The following MPP7 variants were observed in gnomAD, a reference collection of about 807,000 sequenced individuals.
The protein encoded by MPP7 is MAGUK p55 scaffold protein 7, also known as MAGUK p55 subfamily member 7.
MPP7 carries 60 observed loss-of-function variants against 76.5 expected under a neutral mutation model. The observed-to-expected ratio is 0.78, with a 90% CI of 0.64 to 0.97. The LOEUF is 0.97. Ranked by LOEUF, MPP7 falls within the 50% of genes least tolerant of loss-of-function variation. MPP7 has a pLI of 0.00. For missense variants in MPP7, 641 were observed against 694.0 expected (o/e 0.92, Z 0.86); for synonymous variants, 237 against 244.5 (o/e 0.97, Z 0.29).
chr10:28,326,510 A>G (rs140199542), intron 2 of MPP7, among the ~76,000 whole-genome samples: 9 of 152,306 alleles, frequency 5.9e-5, no homozygotes, highest in African/African-American at 2.2e-4. Context: ...TCCGGGCTCA[A>G]TTTTAAAAAG....
chr10:28,294,407 C>A (rs1840994481), intron 1 of MPP7, among the ~76,000 whole-genome samples: 1 of 152,148 alleles, frequency 6.6e-6, no homozygotes, highest in Admixed American at 6.5e-5. Flanking sequence ...CATTCAGCTC[C>A]CAGAAGCAAC....
chr10:28,150,388 T>C (rs1835845380), intron 3 of MPP7, among the ~76,000 whole-genome samples: 1 of 152,192 alleles, frequency 6.6e-6, no homozygotes, highest in Non-Finnish European at 1.5e-5. Flanking sequence ...ATGTCTATTA[T>C]ATCTAAAATC....
chr10:28,058,866 A>G (rs1434926322), intron 14 of MPP7, among the ~76,000 whole-genome samples: 1 of 152,188 alleles, frequency 6.6e-6, no homozygotes, highest in Non-Finnish European at 1.5e-5. Flanking sequence ...AATGTTTTCC[A>G]TCACCCCCTT....
intron 1 of MPP7, among the ~76,000 whole-genome samples, chr10:28,277,878 T>C (rs75727243): frequency 0.014 from 2,147 of 152,086 alleles, 69 homozygotes; most frequent in African/African-American, 0.049. Context: ...TTCCAAATCT[T>C]AGATACAAAA....
At position 28,053,484 on chromosome 10, in the gene MPP7, A is replaced by T. The variant is rs1851432088; in HGVS notation, c.*581T>A. ...TATGAAGGCCATTCACTCAAGGTAAAATTTCAGTTACTCCTTTAAGAATTA... is the reference window on the plus strand; with the variant it reads ...TATGAAGGCCATTCACTCAAGGTAATATTTCAGTTACTCCTTTAAGAATTA... On this transcript the variant is annotated 3_prime_UTR_variant, in exon 17 of 17. Coordinates refer to ENST00000683449, the MANE Select transcript of MPP7 (RefSeq NM_001318170.2). The T allele has an allele frequency of 1.3e-5, 2 of 152,212 alleles. No individual in the cohort carries two copies. The highest frequency in any genetic ancestry group is 4.8e-5 in the African/African-American group (2 of 41,448). 9.4% of individuals were successfully genotyped at this position (152,212 alleles called of 1,614,324 possible).
At chr10:28,124,924 G>A (rs1834967646) in intron 7 of MPP7, 86 bp downstream of exon 7, 10 of 1,085,582 alleles carry the variant, frequency 9.2e-6, no homozygotes, top group Admixed American at 1.7e-5. Context: ...TAGATCCAAA[G>A]ATGGTTATCC....
chr10:28,327,858 GA>G (rs34841307), intron 2 of MPP7, among the ~76,000 whole-genome samples: 39,132 of 152,044 alleles, frequency 0.26, 6,871 homozygotes, highest in African/African-American at 0.5. Context: ...CCATGGACCA[GA>G]AAGAGCTCGG....
chr10:28,125,617 T>TA (rs11415273), intron 6 of MPP7, among the ~76,000 whole-genome samples: 12,464 of 151,626 alleles, frequency 0.082, 714 homozygotes, highest in African/African-American at 0.16. Flanking sequence ...ATTTAAAAAT[T>TA]AAAAAAAACT....
At chr10:28,099,726 G>C (rs553325651) in intron 11 of MPP7, among the ~76,000 whole-genome samples, 1 of 152,172 alleles carries the variant, frequency 6.6e-6, no homozygotes, top group South Asian at 2.1e-4. Flanking sequence ...AGAATCACTT[G>C]AACCCAGGAG....
chr10:28,144,525 G>T (rs1311024735), intron 5 of MPP7, among the ~76,000 whole-genome samples: 3 of 152,108 alleles, frequency 2.0e-5, no homozygotes, highest in Non-Finnish European at 2.9e-5. Flanking sequence ...CTGTTCGCCC[G>T]TTCTGAGGCT....
intron 1 of MPP7, among the ~76,000 whole-genome samples, chr10:28,252,145 T>C (rs1839635184): frequency 6.6e-6 from 1 of 152,216 alleles, no homozygotes; most frequent in African/African-American, 2.4e-5. Context: ...ATCAAATGCT[T>C]ATCAAACTCC....
chr10:28,106,470 G>C (rs904750018), intron 11 of MPP7, among the ~76,000 whole-genome samples: 4 of 152,136 alleles, frequency 2.6e-5, no homozygotes, highest in African/African-American at 7.2e-5. Flanking sequence ...TTATATTGGG[G>C]GCTGTTTAGC....
chr10:28,057,841 C>G (rs1310204082), intron 15 of MPP7: 4 of 1,259,748 alleles, frequency 3.2e-6, no homozygotes, highest in Non-Finnish European at 4.1e-6. Context: ...GAAGGAGAAA[C>G]CATGGTCCCT....
At chr10:28,058,104 A>G (rs1181297219) in intron 15 of MPP7, among the ~76,000 whole-genome samples, 2 of 152,206 alleles carry the variant, frequency 1.3e-5, no homozygotes, top group Non-Finnish European at 2.9e-5. Flanking sequence ...TTGGAACCAA[A>G]ATGTCCATCG....
At chr10:28,059,888 G>T in intron 13 of MPP7, 145 bp from the exon 14 acceptor site, 2 of 625,588 alleles carry the variant, frequency 3.2e-6, no homozygotes, top group Non-Finnish European at 5.6e-6. Context: ...ATAAAATACA[G>T]TAAGCTGTTA....
At chr10:28,128,691 A>G (rs1835095989) in intron 6 of MPP7, among the ~76,000 whole-genome samples, 1 of 152,228 alleles carries the variant, frequency 6.6e-6, no homozygotes, top group Non-Finnish European at 1.5e-5. Flanking sequence ...AGGGTGGAAC[A>G]GATTTGGGGA....
At chr10:28,088,020 A>C (rs1053032206) in intron 12 of MPP7, among the ~76,000 whole-genome samples, 5 of 152,186 alleles carry the variant, frequency 3.3e-5, no homozygotes, top group Non-Finnish European at 7.3e-5. Flanking sequence ...GAAGTATGTG[A>C]ATATGTGTTT....
intron 2 of MPP7, among the ~76,000 whole-genome samples, chr10:28,316,435 TAAAAAAAAAAAAAA>T (rs549621404): frequency 0.013 from 484 of 37,150 alleles, 8 homozygotes; most frequent in African/African-American, 0.038. Context: ...ACTCTGTCTT[TAAAAAAAAAAAAAA>T]AAAAAAAAAA....
chr10:28,226,089 C>A (rs1838678532), intron 2 of MPP7, among the ~76,000 whole-genome samples: 1 of 151,980 alleles, frequency 6.6e-6, no homozygotes, highest in Admixed American at 6.6e-5. Flanking sequence ...CATGCTACAC[C>A]ACAGATGAAC....
Sources: gnomAD v4.1 joint callset for allele counts (sites outside exome capture counted in the v4.1 genomes callset) on GRCh38, gnomAD v4.1.1 for gene constraint, MANE v1.5 for transcripts, NCBI Gene and HGNC (gene_info 2026-07-23, HGNC 2026-07-21) for gene names.